MEIS1: variants seen among roughly 807,000 people sequenced by gnomAD.
MEIS1 encodes the protein Meis homeobox 1, also known as homeobox protein Meis1.
MEIS1 carries 5 observed loss-of-function variants against 50.8 expected under a neutral mutation model. The observed-to-expected ratio is 0.10, with a 90% CI of 0.05 to 0.21. The LOEUF (loss-of-function observed/expected upper bound fraction) is 0.21, where lower values mean the gene tolerates loss of function less well. Among genes scored for constraint, MEIS1 ranks in the 10% least tolerant of loss-of-function variants. The probability of loss-of-function intolerance (pLI) is 1.00; values close to 1 mark genes in which losing one functional copy is unlikely to be tolerated. For synonymous variants in MEIS1, 176 were observed against 179.3 expected, an observed-to-expected ratio of 0.98 and a Z score of 0.15; for missense variants, 318 against 517.3, an observed-to-expected ratio of 0.61 and a Z score of 3.74.
chr2:66,491,010 TG>T (rs1476794088), intron 7 of MEIS1, among the ~76,000 whole-genome samples: 1 of 151,984 alleles, frequency 6.6e-6, no homozygotes, highest in African/African-American at 2.4e-5. Flanking sequence ...TCCTGTTGCT[TG>T]CTTTTAAATA....
intron 9 of MEIS1, among the ~76,000 whole-genome samples, chr2:66,563,084 G>A (rs758509867): frequency 6.6e-6 from 1 of 152,126 alleles, no homozygotes; most frequent in African/African-American, 2.4e-5. Flanking sequence ...ATGTGGCTGT[G>A]TACTCCTGAC....
rs1386155008 is a variant in MEIS1, at chr2:66,443,019, A to G, written c.601A>G (p.Ile201Val). ...AGGATCAAAATCAGACAGTGAAGAT[A>G]TAACAAGATCAGCAAATCTAACTGA... ...EGGSKSDSED[I>V]TRSANLTDQP... Residue 201 changes from isoleucine to valine, a missense_variant, in exon 6 of 13, where the codon ATA becomes GTA. Transcript: ENST00000272369. The G allele has an allele frequency of 1.2e-6, 2 of 1,601,098 alleles. No individual in the cohort carries two copies. The highest frequency in any genetic ancestry group is 2.3e-5 in the East Asian group (1 of 44,296).
At chr2:66,506,772 T>C (rs1673693317) in intron 7 of MEIS1, among the ~76,000 whole-genome samples, 2 of 152,298 alleles carry the variant, frequency 1.3e-5, no homozygotes, top group East Asian at 3.9e-4. Context: ...CCTCTTAACA[T>C]ACCATAGAAA....
At chr2:66,566,061 A>G (rs2103971061) in intron 9 of MEIS1, among the ~76,000 whole-genome samples, 1 of 152,294 alleles carries the variant, frequency 6.6e-6, no homozygotes, top group South Asian at 2.1e-4. Flanking sequence ...TTTGCAACAC[A>G]ATTTGTTGTA....
chr2:66,436,796 C>A, intron 1 of MEIS1: 2 of 815,974 alleles, frequency 2.5e-6, no homozygotes, highest in Non-Finnish European at 3.0e-6. Flanking sequence ...AAATAACTGC[C>A]TGGAATGAAC....
At chr2:66,481,721 G>C (rs1222158251) in intron 7 of MEIS1, among the ~76,000 whole-genome samples, 2 of 152,060 alleles carry the variant, frequency 1.3e-5, no homozygotes, top group Non-Finnish European at 2.9e-5. Flanking sequence ...ACCTGAAGTG[G>C]CATTTACCTG....
intron 7 of MEIS1, among the ~76,000 whole-genome samples, chr2:66,489,498 G>C (rs1270837980): frequency 6.6e-6 from 1 of 152,170 alleles, no homozygotes; most frequent in African/African-American, 2.4e-5. Flanking sequence ...ATGTATCTGT[G>C]ATTGTTAATA....
chr2:66,520,509 A>G (rs1304917870), intron 8 of MEIS1, among the ~76,000 whole-genome samples: 1 of 152,004 alleles, frequency 6.6e-6, no homozygotes, highest in Non-Finnish European at 1.5e-5. Flanking sequence ...CAGTTTCCCA[A>G]CTTCAAGGGG....
intron 6 of MEIS1, among the ~76,000 whole-genome samples, chr2:66,452,602 T>C (rs1672300539): frequency 1.3e-5 from 2 of 151,940 alleles, no homozygotes; most frequent in South Asian, 4.1e-4. Context: ...AAACAGGAAT[T>C]TTACATTTGG....
intron 7 of MEIS1, among the ~76,000 whole-genome samples, chr2:66,486,695 G>A (rs926194592): frequency 4.6e-5 from 7 of 152,172 alleles, no homozygotes; most frequent in African/African-American, 1.7e-4. Context: ...TGGGCAGTAT[G>A]GCCATATTCA....
chr2:66,501,268 T>C (rs912842383), intron 7 of MEIS1, among the ~76,000 whole-genome samples: 1 of 152,200 alleles, frequency 6.6e-6, no homozygotes, highest in East Asian at 1.9e-4. Flanking sequence ...AGTGCAAATA[T>C]AAAAATAAAG....
At chr2:66,439,329 T>G (rs1327512251) in intron 2 of MEIS1, 2 of 1,164,586 alleles carry the variant, frequency 1.7e-6, no homozygotes, top group Non-Finnish European at 2.1e-6. Context: ...CCGTTGACAG[T>G]CGGCCCCACG....
At chr2:66,449,384 T>A (rs1231676506) in intron 6 of MEIS1, among the ~76,000 whole-genome samples, 4 of 152,146 alleles carry the variant, frequency 2.6e-5, no homozygotes, top group Admixed American at 2.6e-4. Context: ...CCTTAATGTA[T>A]ACGAATAAAC....
chr2:66,464,185 ACACGTCAC>A lies in MEIS1; in HGVS notation c.708_715del (p.His236GlnfsTer8), dbSNP rs779637204. On this transcript the variant is annotated frameshift_variant, in exon 7 of 13. Transcript: ENST00000272369. LOFTEE classifies it high-confidence loss of function. Reference sequence around the variant, plus strand: ...ACCCCAGGCCCTTCCAGCGGTGGCCACACGTCACACAGTGGGGACAACAGCAGTGAGCA... The same window carrying A: ...ACCCCAGGCCCTTCCAGCGGTGGCCAACAGTGGGGACAACAGCAGTGAGCA... 6.2e-7 allele frequency: 1 copy of A among 1,603,880 alleles called. No homozygotes were observed. Among genetic ancestry groups the A allele is most frequent in the South Asian group, 1.1e-5 (1 of 88,560 alleles).
intron 7 of MEIS1, among the ~76,000 whole-genome samples, chr2:66,509,824 TTATC>T (rs1010116637): frequency 6.6e-6 from 1 of 152,206 alleles, no homozygotes; most frequent in Non-Finnish European, 1.5e-5. Context: ...AAGGCCTTGA[TTATC>T]TATTGATGCA....
intron 9 of MEIS1, among the ~76,000 whole-genome samples, chr2:66,559,472 C>T (rs1675157393): frequency 6.6e-6 from 1 of 152,036 alleles, no homozygotes; most frequent in Non-Finnish European, 1.5e-5. Context: ...TACATTTATT[C>T]AGTAATGTGT....
intron 8 of MEIS1, among the ~76,000 whole-genome samples, chr2:66,521,360 A>ATT (rs55819820): frequency 0.21 from 31,564 of 149,426 alleles, 4,041 homozygotes; most frequent in Non-Finnish European, 0.28. Context: ...CTCCTTGAAG[A>ATT]TTTTTTTTTT....
At chr2:66,455,111 C>A (rs1237781039) in intron 6 of MEIS1, among the ~76,000 whole-genome samples, 1 of 152,092 alleles carries the variant, frequency 6.6e-6, no homozygotes, top group Non-Finnish European at 1.5e-5. Context: ...AAAAGGTTAT[C>A]AAAACATAGA....
At chr2:66,476,449 T>A (rs1672894053) in intron 7 of MEIS1, among the ~76,000 whole-genome samples, 1 of 152,182 alleles carries the variant, frequency 6.6e-6, no homozygotes, top group African/African-American at 2.4e-5. Context: ...TAATTAAATG[T>A]CCACTGCATA....
Sources: gnomAD v4.1 joint callset for allele counts (sites outside exome capture counted in the v4.1 genomes callset) on GRCh38, gnomAD v4.1.1 for gene constraint, MANE v1.5 for transcripts, NCBI Gene and HGNC (gene_info 2026-07-23, HGNC 2026-07-21) for gene names.